HS3ST2: variants seen among roughly 807,000 people sequenced by gnomAD.
The protein encoded by HS3ST2 is heparan sulfate glucosamine 3-O-sulfotransferase 2.
In HS3ST2, 17 loss-of-function variants were observed where a neutral mutation model predicts 26.3. That is an observed-to-expected ratio of 0.65 (90% CI 0.44 to 0.97). HS3ST2 has a LOEUF of 0.97. Among genes scored for constraint, HS3ST2 ranks in the 50% least tolerant of loss-of-function variants. The pLI is 0.00. For missense variants in HS3ST2, 402 were observed against 501.2 expected (o/e 0.80, Z 1.89); for synonymous variants, 237 against 219.2 (o/e 1.08, Z -0.72).
At chr16:22,830,913 A>G (rs1347642277) in intron 1 of HS3ST2, among the ~76,000 whole-genome samples, 1 of 152,236 alleles carries the variant, frequency 6.6e-6, no homozygotes, top group Non-Finnish European at 1.5e-5. Context: ...TTATATCACC[A>G]TCCTAAATGA....
intron 1 of HS3ST2, among the ~76,000 whole-genome samples, chr16:22,826,598 A>G (rs1474845321): frequency 1.3e-5 from 2 of 152,224 alleles, no homozygotes; most frequent in Non-Finnish European, 2.9e-5. Flanking sequence ...TATCATATTC[A>G]TGACTGTATC....
intron 1 of HS3ST2, among the ~76,000 whole-genome samples, chr16:22,827,274 A>C (rs1222383157): frequency 1.3e-5 from 2 of 152,184 alleles, no homozygotes; most frequent in Admixed American, 1.3e-4. Flanking sequence ...ATAAACCTGG[A>C]GAGGTAACGG....
At chr16:22,838,213 A>C (rs1411323107) in intron 1 of HS3ST2, among the ~76,000 whole-genome samples, 1 of 152,108 alleles carries the variant, frequency 6.6e-6, no homozygotes, top group East Asian at 1.9e-4. Context: ...TTGCACAAAG[A>C]GATTCTAGAG....
chr16:22,914,763 A>AAAAAAAAAAAAAAAAAAAAG lies in HS3ST2; in HGVS notation c.486-180_486-179insAAAAAAAAAAAAAAAAAAGA, dbSNP rs1489223344. On this transcript the variant is annotated intron_variant, in intron 1 of 1. Transcript: ENST00000261374. ...AAAAAAAAAAAAAAAAAAAAAAAAAAAGAGAAGAAAAGAAAATCAACAAGA... is the reference window on the plus strand; with the variant it reads ...AAAAAAAAAAAAAAAAAAAAAAAAAAAAAAAAAAAAAAAAAAAAAGAGAGAAGAAAAGAAAATCAACAAGA... Among the ~76,000 whole-genome samples the AAAAAAAAAAAAAAAAAAAAG allele has an allele frequency of 5.1e-5, 6 of 118,688 alleles. 1 individual carries two copies. Among genetic ancestry groups the AAAAAAAAAAAAAAAAAAAAG allele is most frequent in the African/African-American group, 1.9e-4 (5 of 26,624 alleles). The allele number at this position is 118,688 out of a possible 152,430, so 77.9% of individuals were successfully genotyped here. A position where few individuals can be genotyped will look rare whatever the true frequency, so the allele number is the denominator to read the frequency against.
intron 1 of HS3ST2, among the ~76,000 whole-genome samples, chr16:22,848,562 T>C (rs1901477793): frequency 6.6e-6 from 1 of 152,194 alleles, no homozygotes; most frequent in East Asian, 1.9e-4. Context: ...AGTGCAGTTG[T>C]GAAATATGCT....
intron 1 of HS3ST2, among the ~76,000 whole-genome samples, chr16:22,904,533 A>C (rs1231151070): frequency 6.6e-6 from 1 of 152,206 alleles, no homozygotes; most frequent in Non-Finnish European, 1.5e-5. Context: ...GGAAGGGAGA[A>C]ATAATAAGGG....
chr16:22,832,854 A>C (rs1901194906), intron 1 of HS3ST2, among the ~76,000 whole-genome samples: 1 of 151,878 alleles, frequency 6.6e-6, no homozygotes, highest in South Asian at 2.1e-4. Context: ...CCCACCAGAC[A>C]GCCTCAGGAC....
chr16:22,833,994 G>A (rs1901213464), intron 1 of HS3ST2, among the ~76,000 whole-genome samples: 1 of 151,878 alleles, frequency 6.6e-6, no homozygotes, highest in African/African-American at 2.4e-5. Flanking sequence ...TTGTATAAAG[G>A]GAGGAATAGA....
At chr16:22,894,636 G>A (rs1022097325) in intron 1 of HS3ST2, among the ~76,000 whole-genome samples, 2 of 151,626 alleles carry the variant, frequency 1.3e-5, no homozygotes, top group Non-Finnish European at 2.9e-5. Flanking sequence ...AGTGACTCAC[G>A]CCTGCAATCC....
At chr16:22,842,018 T>C (rs1901365178) in intron 1 of HS3ST2, among the ~76,000 whole-genome samples, 1 of 151,892 alleles carries the variant, frequency 6.6e-6, no homozygotes, top group Non-Finnish European at 1.5e-5. Context: ...TTTTTCGCTG[T>C]ATCTTTGGTG....
At chr16:22,873,763 G>A (rs1329846183) in intron 1 of HS3ST2, among the ~76,000 whole-genome samples, 1 of 152,192 alleles carries the variant, frequency 6.6e-6, no homozygotes, top group East Asian at 1.9e-4. Context: ...AGTTTGGCTT[G>A]AGTTCACCTG....
At chr16:22,832,443 G>A (rs1050263695) in intron 1 of HS3ST2, among the ~76,000 whole-genome samples, 1 of 152,016 alleles carries the variant, frequency 6.6e-6, no homozygotes, top group Non-Finnish European at 1.5e-5. Flanking sequence ...GGGTTCACAA[G>A]CTTCCCTAAA....
chr16:22,910,621 A>G (rs1047103336), intron 1 of HS3ST2, among the ~76,000 whole-genome samples: 5 of 152,140 alleles, frequency 3.3e-5, no homozygotes, highest in African/African-American at 4.8e-5. Context: ...TTAATTGTCT[A>G]CTCAATACTA....
chr16:22,861,938 T>C (rs2141189589), intron 1 of HS3ST2, among the ~76,000 whole-genome samples: 1 of 152,356 alleles, frequency 6.6e-6, no homozygotes, highest in East Asian at 1.9e-4. Context: ...TATATCCCAT[T>C]GGACAGACCT....
At chr16:22,893,171 A>G (rs145390694) in intron 1 of HS3ST2, among the ~76,000 whole-genome samples, 1 of 152,240 alleles carries the variant, frequency 6.6e-6, no homozygotes, top group Non-Finnish European at 1.5e-5. Flanking sequence ...TTCGCTATTC[A>G]GTACCTTGGG....
intron 1 of HS3ST2, among the ~76,000 whole-genome samples, chr16:22,859,991 G>A (rs11641723): frequency 0.54 from 81,849 of 151,902 alleles, 23,182 homozygotes; most frequent in Non-Finnish European, 0.63. Flanking sequence ...AAACATGTCA[G>A]GTTCACTCTG....
At chr16:22,841,069 G>GT (rs1355049353) in intron 1 of HS3ST2, among the ~76,000 whole-genome samples, 1 of 149,496 alleles carries the variant, frequency 6.7e-6, no homozygotes, top group Non-Finnish European at 1.5e-5. Context: ...CCGGTGTTTG[G>GT]TTTTTTGTCC....
At chr16:22,874,781 A>T (rs752193709) in intron 1 of HS3ST2, among the ~76,000 whole-genome samples, 6 of 152,168 alleles carry the variant, frequency 3.9e-5, no homozygotes, top group Non-Finnish European at 8.8e-5. Flanking sequence ...AGATTTCTGG[A>T]TCCTACATTC....
At chr16:22,878,988 C>T (rs932205841) in intron 1 of HS3ST2, among the ~76,000 whole-genome samples, 2 of 152,174 alleles carry the variant, frequency 1.3e-5, no homozygotes, top group African/African-American at 4.8e-5. Flanking sequence ...TGGCGTTTGC[C>T]GAAAGCCCTG....
Sources: gnomAD v4.1 joint callset for allele counts (sites outside exome capture counted in the v4.1 genomes callset) on GRCh38, gnomAD v4.1.1 for gene constraint, MANE v1.5 for transcripts, NCBI Gene and HGNC (gene_info 2026-07-23, HGNC 2026-07-21) for gene names.